IMMP2L: variants seen among roughly 807,000 people sequenced by gnomAD.
IMMP2L encodes the protein inner mitochondrial membrane peptidase subunit 2.
A neutral mutation model predicts 19.3 loss-of-function variants in IMMP2L; 18 were observed. The observed-to-expected ratio is 0.93, with a 90% CI of 0.64 to 1.38. IMMP2L has a LOEUF of 1.38. Among genes scored for constraint, IMMP2L ranks in the 40% most tolerant of loss-of-function variants. The pLI is 0.00. For missense variants in IMMP2L, 233 were observed against 218.2 expected, an observed-to-expected ratio of 1.07 and a Z score of -0.43; for synonymous variants, 76 against 73.0, an observed-to-expected ratio of 1.04 and a Z score of -0.21.
intron 3 of IMMP2L, among the ~76,000 whole-genome samples, chr7:111,258,198 C>A (rs1431242796): frequency 2.0e-5 from 3 of 152,120 alleles, no homozygotes; most frequent in African/African-American, 7.2e-5. Flanking sequence ...CATTATGCTT[C>A]CTGCTACCAC....
At chr7:111,141,617 T>C (rs544379537) in intron 3 of IMMP2L, among the ~76,000 whole-genome samples, 123 of 152,234 alleles carry the variant, frequency 8.1e-4, no homozygotes, top group African/African-American at 2.2e-3. Context: ...CTCTGTATCA[T>C]TGTGGGTTTA....
chr7:111,477,272 G>A (rs1459615079), intron 3 of IMMP2L, among the ~76,000 whole-genome samples: 1 of 152,110 alleles, frequency 6.6e-6, no homozygotes, highest in Non-Finnish European at 1.5e-5. Flanking sequence ...TGTGACCAGT[G>A]CAGTCACACA....
At chr7:111,529,487 C>T (rs1847194524) in intron 1 of IMMP2L, among the ~76,000 whole-genome samples, 1 of 151,970 alleles carries the variant, frequency 6.6e-6, no homozygotes, top group Non-Finnish European at 1.5e-5. Flanking sequence ...ACATGAATAC[C>T]AGTATCAAAT....
chr7:110,818,241 T>C (rs1186652845), intron 5 of IMMP2L, among the ~76,000 whole-genome samples: 3 of 152,036 alleles, frequency 2.0e-5, no homozygotes, highest in Non-Finnish European at 4.4e-5. Context: ...ATCCAGAATC[T>C]ACAATGAACT....
intron 3 of IMMP2L, among the ~76,000 whole-genome samples, chr7:111,000,497 AC>A (rs1230302354): frequency 1.3e-5 from 2 of 152,170 alleles, no homozygotes; most frequent in East Asian, 1.9e-4. Context: ...TTTTGAAAAT[AC>A]CTTTTCTCAT....
chr7:111,395,302 AT>A (rs1352121024), intron 3 of IMMP2L, among the ~76,000 whole-genome samples: 1 of 152,112 alleles, frequency 6.6e-6, no homozygotes, highest in African/African-American at 2.4e-5. Flanking sequence ...ACCCTCTGCC[AT>A]TTTTTTCTTT....
At chr7:111,473,797 G>C (rs567218581) in intron 3 of IMMP2L, among the ~76,000 whole-genome samples, 2 of 152,232 alleles carry the variant, frequency 1.3e-5, no homozygotes, top group South Asian at 4.1e-4. Flanking sequence ...ACTATCATTT[G>C]ACCCACCAAA....
intron 3 of IMMP2L, chr7:111,124,726 GA>G: frequency 6.2e-7 from 1 of 1,613,962 alleles, no homozygotes; most frequent in South Asian, 1.1e-5. Flanking sequence ...CCTCTCTCCA[GA>G]AATGAACTGT....
chr7:111,134,321 T>C (rs1180340855), intron 3 of IMMP2L, among the ~76,000 whole-genome samples: 4 of 152,020 alleles, frequency 2.6e-5, no homozygotes, highest in Non-Finnish European at 5.9e-5. Flanking sequence ...TCTATTATGT[T>C]TCCAATTGGA....
At chr7:111,294,873 A>G (rs1453984577) in intron 3 of IMMP2L, among the ~76,000 whole-genome samples, 1 of 151,944 alleles carries the variant, frequency 6.6e-6, no homozygotes, top group Non-Finnish European at 1.5e-5. Flanking sequence ...GAAGATTAGT[A>G]TGGGTATTTC....
chr7:110,724,688 T>C (rs528420086), intron 5 of IMMP2L: 1 of 152,148 alleles, frequency 6.6e-6, no homozygotes, highest in East Asian at 1.9e-4. Context: ...GGCATTCCAA[T>C]AATTCCAATA....
intron 3 of IMMP2L, among the ~76,000 whole-genome samples, chr7:111,385,870 T>G (rs1034130781): frequency 1.3e-5 from 2 of 152,064 alleles, no homozygotes; most frequent in East Asian, 3.9e-4. Context: ...AAGATTTGGT[T>G]CAGTAAGGCG....
In IMMP2L at chr7:110,791,255, G is replaced by A. The variant is rs1214331471; in HGVS notation, c.408+95338C>T. On this transcript the variant is annotated intron_variant, in intron 5 of 5. Transcript: ENST00000405709. ...AATGTAAAATAATGAAACATTGTAA[G>A]TATAGCTCTTAGGGAGCAGCCTTTA... 6.6e-5 allele frequency among the ~76,000 whole-genome samples: 10 copies of A among 151,598 alleles called. 1 individual carries two copies. The highest frequency in any genetic ancestry group is 2.4e-4 in the African/African-American group (10 of 40,992).
intron 3 of IMMP2L, among the ~76,000 whole-genome samples, chr7:111,422,082 T>C (rs1835614681): frequency 6.6e-6 from 1 of 151,848 alleles, no homozygotes; most frequent in Non-Finnish European, 1.5e-5. Context: ...CATTGGTCTA[T>C]ATCTCTGTTT....
At chr7:111,188,648 A>C (rs1378894883) in intron 3 of IMMP2L, among the ~76,000 whole-genome samples, 1 of 152,032 alleles carries the variant, frequency 6.6e-6, no homozygotes, top group African/African-American at 2.4e-5. Flanking sequence ...AGTTTAAGGA[A>C]GTAATTTGTT....
chr7:111,312,620 T>G (rs1823640043), intron 3 of IMMP2L, among the ~76,000 whole-genome samples: 2 of 152,104 alleles, frequency 1.3e-5, no homozygotes, highest in South Asian at 2.1e-4. Flanking sequence ...ATTCAATCCA[T>G]AACAGTCAAT....
At chr7:110,831,986 G>A (rs567929756) in intron 5 of IMMP2L, among the ~76,000 whole-genome samples, 19 of 152,298 alleles carry the variant, frequency 1.2e-4, no homozygotes, top group African/African-American at 4.6e-4. Context: ...CTGTAGGGCT[G>A]GGCGCGGTGG....
chr7:110,754,255 T>TAAACA (rs1389445905), intron 5 of IMMP2L, among the ~76,000 whole-genome samples: 1 of 152,018 alleles, frequency 6.6e-6, no homozygotes, highest in African/African-American at 2.4e-5. Context: ...ATTGTAAAAA[T>TAAACA]AATGATGTCC....
rs1349195243 is a variant in IMMP2L, at chr7:111,029,509, A to G, written c.240-65944T>C. Among the ~76,000 whole-genome samples, 7 of 152,198 alleles carry G rather than the reference A, an allele frequency of 4.6e-5. No individual in the cohort carries two copies. In the South Asian group the frequency reaches 1.4e-3, roughly 31 times the overall value. ...CTTTGCATCAGGTGGCTCTGACCAG[A>G]GAGGAATCAACTTTCAAAGATTTGT... is the stretch of plus-strand genomic sequence containing the variant. On this transcript the variant is annotated intron_variant, in intron 3 of 5. Coordinates refer to ENST00000405709, the MANE Select transcript of IMMP2L (RefSeq NM_032549.4).
Sources: allele counts gnomAD v4.1 joint callset (sites outside exome capture counted in the v4.1 genomes callset), GRCh38; gene constraint gnomAD v4.1.1; transcripts MANE v1.5; gene names NCBI Gene and HGNC (gene_info 2026-07-23, HGNC 2026-07-21).